GCN1: variants seen among roughly 807,000 people sequenced by gnomAD.
The protein encoded by GCN1 is GCN1 activator of EIF2AK4.
Under a neutral mutation model 288.4 loss-of-function variants are expected in GCN1, and 90 were observed. The observed-to-expected ratio is 0.31, with a 90% CI of 0.26 to 0.37. The LOEUF (loss-of-function observed/expected upper bound fraction) is 0.37. Among genes scored for constraint, GCN1 ranks in the 10% least tolerant of loss-of-function variants. The probability of loss-of-function intolerance (pLI) is 1.00; values close to 1 mark genes in which losing one functional copy is unlikely to be tolerated. For synonymous variants in GCN1, 1,386 were observed against 1,420.2 expected (o/e 0.98, Z 0.54); for missense variants, 2,586 against 3,419.9 (o/e 0.76, Z 6.08).
chr12:120,144,414 G>A lies in GCN1; in HGVS notation c.5387C>T (p.Thr1796Ile). Reference protein sequence around the residue: ...LADENEFVRDTALRAGQRVIS... With the variant: ...LADENEFVRDIALRAGQRVIS... ...AACCCGCTGGCCCGCGCGCAGGGCG[G>A]TGTCACGCACAAACTCATTCTCATC... Residue 1796 changes from threonine to isoleucine, a missense_variant, in exon 42 of 58, where the codon ACC (threonine) becomes ATC (isoleucine). Transcript: ENST00000300648. This position sits in a 1 kb window ranked among gnomAD's most constrained non-coding sequence, Gnocchi z 4.7. 1 of 1,614,164 alleles carries A rather than the reference G, an allele frequency of 6.2e-7. No homozygotes were observed. The highest frequency in any genetic ancestry group is 8.5e-7 in the Non-Finnish European group (1 of 1,179,978).
At position 120,138,303 on chromosome 12, in the gene GCN1, G is replaced by A; in HGVS notation, c.6249+20C>T. 6.9e-7 allele frequency: 1 copy of A among 1,442,372 alleles called. No homozygotes were observed. Among genetic ancestry groups the A allele is most frequent in the Non-Finnish European group, 9.8e-7 (1 of 1,022,882 alleles). 89.3% of individuals were successfully genotyped at this position (1,442,372 alleles called of 1,614,324 possible). A position where few individuals can be genotyped will look rare whatever the true frequency, so the allele number is the denominator to read the frequency against. ...CAATGCCCTGGAGCCAGAGGGTGTT[G>A]ACCACATGTTGGGATTTACCTTGGG... On this transcript the variant is annotated intron_variant, in intron 47 of 57. Transcript: ENST00000300648.
intron 57 of GCN1, among the ~76,000 whole-genome samples, chr12:120,128,578 C>T (rs757347309): frequency 2.0e-4 from 30 of 152,122 alleles, no homozygotes; most frequent in Middle Eastern, 3.4e-3. Flanking sequence ...TCCGGTGATC[C>T]GCCCACCTTG....
At chr12:120,177,363 C>T in intron 9 of GCN1, 84 bp downstream of exon 9, 1 of 712,978 alleles carries the variant, frequency 1.4e-6, no homozygotes, top group East Asian at 2.6e-5. Context: ...CCCCCTACCA[C>T]ACACACTTCT....
At chr12:120,187,077 T>C (rs1047658107) in intron 2 of GCN1, among the ~76,000 whole-genome samples, 1 of 152,000 alleles carries the variant, frequency 6.6e-6, no homozygotes, top group Non-Finnish European at 1.5e-5. Context: ...CGCTCACAAA[T>C]AGCAAGTTTA....
intron 15 of GCN1, 72 bp downstream of exon 15, chr12:120,170,097 C>T: frequency 1.4e-6 from 2 of 1,385,252 alleles, no homozygotes; most frequent in South Asian, 1.2e-5. Context: ...TCCTGAACAT[C>T]AAGACACACC....
At chr12:120,182,469 C>T (rs1313038659) in intron 5 of GCN1, among the ~76,000 whole-genome samples, 1 of 152,258 alleles carries the variant, frequency 6.6e-6, no homozygotes, top group Non-Finnish European at 1.5e-5. Context: ...CCGGTCATCA[C>T]TGGCACCTAC....
intron 14 of GCN1, among the ~76,000 whole-genome samples, chr12:120,172,995 C>A (rs1289675830): frequency 6.6e-6 from 1 of 151,168 alleles, no homozygotes; most frequent in Non-Finnish European, 1.5e-5. Context: ...GAAGGAAGGG[C>A]GGTGGTCATT....
Position 120,144,204 on chromosome 12 carries a change from G to T in GCN1, c.5495+102C>A. The T allele has an allele frequency of 7.6e-7, 1 of 1,312,174 alleles. No homozygotes were observed. Among genetic ancestry groups the T allele is most frequent in the Non-Finnish European group, 1.1e-6 (1 of 916,086 alleles). The allele number at this position is 1,312,174 out of a possible 1,614,324, so 81.3% of individuals were successfully genotyped here. ...TTGCCAGGGCTCATCGTAAACTCCTGGGTTTAAGCAATCCTCCTGCCTCGG... is the reference window on the plus strand; with the variant it reads ...TTGCCAGGGCTCATCGTAAACTCCTTGGTTTAAGCAATCCTCCTGCCTCGG... On this transcript the variant is annotated intron_variant, in intron 42 of 57. Transcript: ENST00000300648. The surrounding 1 kb of genome is among the most constrained non-coding windows in gnomAD (Gnocchi z 4.7).
rs1305051959 is a variant in GCN1 at position 120,183,601 on chromosome 12, C to T, written c.394G>A (p.Ala132Thr). The change falls in exon 5 of 58, where the codon GCC (alanine) becomes ACC (threonine). Residue 132 changes from alanine to threonine, a missense_variant. Coordinates refer to ENST00000300648, the MANE Select transcript of GCN1 (RefSeq NM_006836.2). Reference protein sequence around the residue: ...LLVRIVFPSRAKRQGDIWNKL... With the variant: ...LLVRIVFPSRTKRQGDIWNKL... The stretch of plus-strand genomic sequence containing the variant: ...TTCCAGATGTCTCCTTGTCGCTTGG[C>T]TCTCGATGGAAAGACAATGCGCACC... 1.2e-6 allele frequency: 2 copies of T among 1,613,216 alleles called. No homozygotes were observed. Among genetic ancestry groups the T allele is most frequent in the Non-Finnish European group, 8.5e-7 (1 of 1,179,194 alleles).
chr12:120,189,894 G>A (rs572813509), intron 2 of GCN1, among the ~76,000 whole-genome samples: 1 of 152,134 alleles, frequency 6.6e-6, no homozygotes, highest in Non-Finnish European at 1.5e-5. Context: ...CATGAGAATC[G>A]CCTGAACCCA....
Position 120,156,690 on chromosome 12 carries a change from C to T in GCN1, c.3169-86G>A. On this transcript the variant is annotated intron_variant, in intron 27 of 57. Transcript: ENST00000300648. This position sits in a 1 kb window ranked among gnomAD's most constrained non-coding sequence, Gnocchi z 5.8. ...GAGGGATATGCACTGAGAACACCCA[C>T]CCCTACAGCACTGCAAGGGCTAAGA... 7.4e-7 allele frequency: 1 copy of T among 1,360,024 alleles called. No individual in the cohort carries two copies. The highest frequency in any genetic ancestry group is 1.0e-6 in the Non-Finnish European group (1 of 967,018). 84.2% of individuals were successfully genotyped at this position (1,360,024 alleles called of 1,614,324 possible).
intron 3 of GCN1, 30 bp downstream of exon 3, chr12:120,184,793 TC>T: frequency 6.6e-7 from 1 of 1,510,522 alleles, no homozygotes; most frequent in Non-Finnish European, 9.2e-7. Context: ...TACAAAGTGC[TC>T]CACATATGGG....
intron 33 of GCN1, 137 bp from the exon 34 acceptor site, chr12:120,151,528 AG>A: frequency 1.2e-6 from 1 of 803,088 alleles, no homozygotes; most frequent in Non-Finnish European, 2.0e-6. Context: ...CGGATGTCAC[AG>A]GGCACCAGAG....
chr12:120,140,078 T>C (rs1028699886), intron 45 of GCN1, among the ~76,000 whole-genome samples: 1 of 152,218 alleles, frequency 6.6e-6, no homozygotes, highest in Non-Finnish European at 1.5e-5. Flanking sequence ...TTCTTTTGAT[T>C]CCTTGCCAAA....
chr12:120,144,578 G>T lies in GCN1; in HGVS notation c.5352+61C>A. 6.4e-7 allele frequency: 1 copy of T among 1,557,338 alleles called. No homozygotes were observed. The highest frequency in any genetic ancestry group is 8.8e-7 in the Non-Finnish European group (1 of 1,134,116). On this transcript the variant is annotated intron_variant, in intron 41 of 57. Coordinates refer to ENST00000300648, the MANE Select transcript of GCN1 (RefSeq NM_006836.2). This position sits in a 1 kb window ranked among gnomAD's most constrained non-coding sequence, Gnocchi z 4.7. The stretch of plus-strand genomic sequence containing the variant: ...CCAGCAGGGATCTCTAGCTCTCCAG[G>T]TGAGCACTTGCCTCCTGCCCTCCTC...
chr12:120,189,068 C>T (rs1270941570), intron 2 of GCN1, among the ~76,000 whole-genome samples: 1 of 151,932 alleles, frequency 6.6e-6, no homozygotes, highest in Non-Finnish European at 1.5e-5. Flanking sequence ...GGGAAGAAGG[C>T]CATGGTTCCT....
At position 120,178,577 on chromosome 12, in the gene GCN1, A is replaced by G. The variant is rs942486070; in HGVS notation, c.660+48T>C. The G allele has an allele frequency of 6.8e-6, 11 of 1,605,968 alleles. No individual in the cohort carries two copies. In the Admixed American group the frequency reaches 8.3e-5, roughly 12 times the overall value. ...CATTCCTTCCCTCCAGCGAGCTCCC[A>G]ACATCCCCAACATAGCAAACCCACA... On this transcript the variant is annotated intron_variant, in intron 7 of 57. Coordinates refer to ENST00000300648, the MANE Select transcript of GCN1 (RefSeq NM_006836.2).
rs7309385 is a variant in GCN1 at position 120,130,031 on chromosome 12, G to C, written c.7672-537C>G. 2.4e-3 allele frequency among the ~76,000 whole-genome samples: 360 copies of C among 152,320 alleles called. 2 individuals are homozygous for C. Among genetic ancestry groups the C allele is most frequent in the African/African-American group, 8.2e-3 (339 of 41,566 alleles). On this transcript the variant is annotated intron_variant, in intron 56 of 57. Coordinates refer to ENST00000300648, the MANE Select transcript of GCN1 (RefSeq NM_006836.2). ...ACTCCGTGGGTTCCCGGTGCTGCGG[G>C]GGGAGGCAGTCACTCTTGGGAACCT...
chr12:120,162,215 G>A (rs954552425), intron 20 of GCN1, 157 bp from the exon 21 acceptor site: 21 of 629,432 alleles, frequency 3.3e-5, no homozygotes, highest in Non-Finnish European at 4.4e-5. Flanking sequence ...TGGAGTCTGC[G>A]TCTGCTTTCC....
Sources: allele counts gnomAD v4.1 joint callset (sites outside exome capture counted in the v4.1 genomes callset), GRCh38; gene constraint gnomAD v4.1.1; non-coding constraint Gnocchi (gnomAD v3.1); transcripts MANE v1.5; gene names NCBI Gene and HGNC (gene_info 2026-07-23, HGNC 2026-07-21).